The following FAM227B variants were observed in gnomAD, a reference collection of about 807,000 sequenced individuals.
FAM227B encodes family with sequence similarity 227 member B, also known as protein FAM227B.
Under a neutral mutation model 73.8 loss-of-function variants are expected in FAM227B, and 88 were observed. The ratio of observed to expected loss-of-function variants is 1.19; its 90% CI spans 1.00 to 1.42. The LOEUF is 1.42. FAM227B is among the 40% of genes most tolerant of loss of function. The pLI is 0.00. For missense variants in FAM227B, 632 were observed against 590.9 expected, an observed-to-expected ratio of 1.07 and a Z score of -0.72; for synonymous variants, 210 against 190.5, an observed-to-expected ratio of 1.10 and a Z score of -0.84.
chr15:49,574,330 T>C (rs1029507823), intron 8 of FAM227B, among the ~76,000 whole-genome samples: 1 of 152,128 alleles, frequency 6.6e-6, no homozygotes, highest in Non-Finnish European at 1.5e-5. Context: ...CAAACAAAAC[T>C]CATCTTGAAT....
At chr15:49,509,102 AG>A (rs1339604919) in intron 10 of FAM227B, among the ~76,000 whole-genome samples, 2 of 152,140 alleles carry the variant, frequency 1.3e-5, no homozygotes, top group Admixed American at 1.3e-4. Context: ...TAATTTCAGT[AG>A]GCTTTAGTGC....
chr15:49,448,279 T>G (rs2052405096), intron 11 of FAM227B, among the ~76,000 whole-genome samples: 1 of 151,706 alleles, frequency 6.6e-6, no homozygotes, highest in African/African-American at 2.4e-5. Context: ...CAAATTTGTC[T>G]TCTTTCCTGT....
At chr15:49,577,985 T>C (rs1409737011) in intron 5 of FAM227B, among the ~76,000 whole-genome samples, 1 of 152,222 alleles carries the variant, frequency 6.6e-6, no homozygotes, top group Non-Finnish European at 1.5e-5. Flanking sequence ...GTGTTCAGAA[T>C]GTTTATTGTG....
intron 11 of FAM227B, among the ~76,000 whole-genome samples, chr15:49,476,231 G>GTTTTTTTTTTTTTTTTTTTTTTTTTT (rs1567351795): frequency 6.9e-5 from 2 of 29,116 alleles, no homozygotes; most frequent in Non-Finnish European, 1.5e-4. Flanking sequence ...TTTTGTTTTT[G>GTTTTTTTTTTTTTTTTTTTTTTTTTT]GTTTTTTTTT....
intron 11 of FAM227B, among the ~76,000 whole-genome samples, chr15:49,413,190 A>T (rs2048984023): frequency 6.6e-6 from 1 of 152,026 alleles, no homozygotes. Flanking sequence ...ATGTTGTGGG[A>T]GGGACCTGGT....
At chr15:49,555,175 T>C (rs949437106) in intron 9 of FAM227B, among the ~76,000 whole-genome samples, 4 of 152,226 alleles carry the variant, frequency 2.6e-5, no homozygotes, top group African/African-American at 9.6e-5. Flanking sequence ...ATAATGTTGT[T>C]GGTTTAGTGG....
chr15:49,584,617 T>G (rs1192732796), intron 5 of FAM227B, among the ~76,000 whole-genome samples: 1 of 152,084 alleles, frequency 6.6e-6, no homozygotes, highest in Non-Finnish European at 1.5e-5. Flanking sequence ...AGAAACCCTA[T>G]AGTCTCAAAA....
intron 9 of FAM227B, among the ~76,000 whole-genome samples, chr15:49,542,423 G>A (rs763139781): frequency 9.9e-5 from 15 of 152,094 alleles, no homozygotes; most frequent in Non-Finnish European, 2.1e-4. Context: ...TGGTGCACTC[G>A]CCACCTGAGC....
chr15:49,408,721 T>C (rs2048679674), intron 11 of FAM227B, among the ~76,000 whole-genome samples: 1 of 152,222 alleles, frequency 6.6e-6, no homozygotes, highest in Non-Finnish European at 1.5e-5. Flanking sequence ...ATAGTCTTGA[T>C]ACCTAATCCT....
intron 9 of FAM227B, among the ~76,000 whole-genome samples, chr15:49,561,217 A>G (rs2074232194): frequency 6.6e-6 from 1 of 152,156 alleles, no homozygotes; most frequent in African/African-American, 2.4e-5. Flanking sequence ...GAGCAACAGT[A>G]GCTATTCTTA....
At chr15:49,438,491 G>C (rs2051315060) in intron 11 of FAM227B, among the ~76,000 whole-genome samples, 1 of 151,600 alleles carries the variant, frequency 6.6e-6, no homozygotes, top group African/African-American at 2.4e-5. Context: ...AAGTAGGCTA[G>C]AAAATTCACC....
At chr15:49,374,432 AAT>A (rs1322131825) in intron 11 of FAM227B, among the ~76,000 whole-genome samples, 1 of 152,252 alleles carries the variant, frequency 6.6e-6, no homozygotes. Flanking sequence ...TGCCAGGAGA[AAT>A]AGAGAAAATA....
At chr15:49,562,925 A>G (rs2074371774) in intron 9 of FAM227B, among the ~76,000 whole-genome samples, 1 of 152,062 alleles carries the variant, frequency 6.6e-6, no homozygotes, top group Non-Finnish European at 1.5e-5. Flanking sequence ...AGCATTCCCC[A>G]TAAGAACCAA....
Position 49,568,361 on chromosome 15 carries a change from T to A in FAM227B, c.646-15A>T. The A allele has an allele frequency of 6.3e-7, 1 of 1,583,156 alleles. No individual in the cohort carries two copies. On this transcript the variant is annotated splice_polypyrimidine_tract_variant and intron_variant, in intron 8 of 15. Transcript: ENST00000299338. ...TCTCTGTCAGGCTTAAAAAAATGTG[T>A]GAAATTAAAGTCAATATTACAATTT...
chr15:49,435,107 A>AG (rs1173477729), intron 11 of FAM227B, among the ~76,000 whole-genome samples: 2 of 151,596 alleles, frequency 1.3e-5, no homozygotes, highest in South Asian at 2.1e-4. Flanking sequence ...ATGAAGTGAG[A>AG]GGGGGGTACA....
At chr15:49,458,492 A>G (rs548678884) in intron 11 of FAM227B, among the ~76,000 whole-genome samples, 26 of 152,120 alleles carry the variant, frequency 1.7e-4, no homozygotes, top group African/African-American at 5.8e-4. Flanking sequence ...CTCTTTACCA[A>G]TTTAAGATTC....
At chr15:49,471,196 A>G (rs2054709100) in intron 11 of FAM227B, among the ~76,000 whole-genome samples, 1 of 152,106 alleles carries the variant, frequency 6.6e-6, no homozygotes, top group African/African-American at 2.4e-5. Flanking sequence ...AGAATATGGC[A>G]AATGTGAGGC....
chr15:49,591,362 ACCCTCCCTCCCTCCCTCCCTT>A (rs2076551026), intron 3 of FAM227B, among the ~76,000 whole-genome samples: 1 of 102,398 alleles, frequency 9.8e-6, no homozygotes, highest in African/African-American at 3.9e-5. Context: ...GAGCCACCAC[ACCCTCCCTCCCTCCCTCCCTT>A]CCCTCCCTCC....
intron 3 of FAM227B, among the ~76,000 whole-genome samples, chr15:49,609,864 T>A (rs79918183): frequency 6.6e-6 from 1 of 151,920 alleles, no homozygotes; most frequent in African/African-American, 2.4e-5. Context: ...GAGAAACCTA[T>A]AAATGACAAA....
Sources: allele counts gnomAD v4.1 joint callset (sites outside exome capture counted in the v4.1 genomes callset), GRCh38; gene constraint gnomAD v4.1.1; transcripts MANE v1.5; gene names NCBI Gene and HGNC (gene_info 2026-07-23, HGNC 2026-07-21).